Variants in TAFA5 observed in about 807,000 individuals in gnomAD.
TAFA5 encodes the protein chemokine-like protein TAFA-5.
TAFA5 carries 6 observed loss-of-function variants against 15.3 expected under a neutral mutation model. The observed-to-expected ratio is 0.39, with a 90% CI of 0.21 to 0.77. The LOEUF is 0.77. TAFA5 is among the 30% of genes least tolerant of loss of function. The pLI is 0.41. For synonymous variants in TAFA5, 103 were observed against 80.7 expected (o/e 1.28, Z -1.48); for missense variants, 161 against 193.1 (o/e 0.83, Z 0.98).
At chr22:48,574,519 G>T (rs935966356) in intron 1 of TAFA5, among the ~76,000 whole-genome samples, 1 of 151,982 alleles carries the variant, frequency 6.6e-6, no homozygotes, top group Non-Finnish European at 1.5e-5. Flanking sequence ...TGACCTCCAA[G>T]AGCCCTTCAG....
chr22:48,673,826 C>T (rs1927877950), intron 2 of TAFA5, among the ~76,000 whole-genome samples: 1 of 152,172 alleles, frequency 6.6e-6, no homozygotes, highest in Non-Finnish European at 1.5e-5. Flanking sequence ...GCTGACCTGT[C>T]CTGCCAACCC....
At chr22:48,588,852 C>A (rs980371363) in intron 1 of TAFA5, among the ~76,000 whole-genome samples, 1 of 152,016 alleles carries the variant, frequency 6.6e-6, no homozygotes. Flanking sequence ...GCCAACCTGG[C>A]CCCCCGTGAT....
chr22:48,656,053 A>T (rs1927232582), intron 2 of TAFA5, among the ~76,000 whole-genome samples: 1 of 151,162 alleles, frequency 6.6e-6, no homozygotes, highest in African/African-American at 2.4e-5. Flanking sequence ...CATGTTGGCC[A>T]GGCTGGTGTT....
chr22:48,624,129 T>C (rs1271714363), intron 1 of TAFA5, among the ~76,000 whole-genome samples: 1 of 152,234 alleles, frequency 6.6e-6, no homozygotes, highest in Non-Finnish European at 1.5e-5. Context: ...CTGACAGTTT[T>C]GAGGAGCGAA....
At chr22:48,510,845 G>A (rs756639288) in intron 1 of TAFA5, among the ~76,000 whole-genome samples, 1 of 152,262 alleles carries the variant, frequency 6.6e-6, no homozygotes, top group East Asian at 1.9e-4. Flanking sequence ...GCAGCCATGC[G>A]CATTGCAGGC....
At chr22:48,546,478 C>G (rs1338055379) in intron 1 of TAFA5, 5 of 469,332 alleles carry the variant, frequency 1.1e-5, no homozygotes, top group South Asian at 4.7e-5. Flanking sequence ...TCCCCTTTCT[C>G]AAACGGGGTG....
chr22:48,699,667 G>A (rs1036606677), intron 2 of TAFA5, among the ~76,000 whole-genome samples: 7 of 152,258 alleles, frequency 4.6e-5, no homozygotes, highest in African/African-American at 7.2e-5. Flanking sequence ...TTTTATGAGC[G>A]GGTTCCTGAT....
chr22:48,494,329 G>A (rs1040928605), intron 1 of TAFA5, among the ~76,000 whole-genome samples: 3 of 152,136 alleles, frequency 2.0e-5, no homozygotes, highest in Admixed American at 6.5e-5. Context: ...AAAATGTGGC[G>A]CTCTGGAGTT....
chr22:48,744,735 G>T lies in TAFA5; in HGVS notation c.391-5104G>T, dbSNP rs76067440. On this transcript the variant is annotated intron_variant, in intron 3 of 3. Transcript: ENST00000402357. ...CTCTGTGCTTCCGCAGCCCTGGGAG[G>T]CAGGGGGCGGGTTCCTTTTTTTCTT... Among the ~76,000 whole-genome samples, 788 of 152,296 alleles carry T rather than the reference G, an allele frequency of 5.2e-3. 9 individuals carry two copies. Among genetic ancestry groups the T allele is most frequent in the African/African-American group, 0.016 (678 of 41,574 alleles).
intron 1 of TAFA5, among the ~76,000 whole-genome samples, chr22:48,599,172 T>G (rs1237716252): frequency 6.6e-6 from 1 of 152,190 alleles, no homozygotes; most frequent in Non-Finnish European, 1.5e-5. Context: ...CCTTGGGTAT[T>G]GGTGATTAAC....
intron 1 of TAFA5, among the ~76,000 whole-genome samples, chr22:48,639,228 C>T (rs1243507769): frequency 1.3e-5 from 2 of 152,152 alleles, no homozygotes; most frequent in African/African-American, 2.4e-5. Flanking sequence ...GACCTGCCCC[C>T]GGGCCCCACC....
chr22:48,555,987 G>T (rs1601576654), intron 1 of TAFA5, among the ~76,000 whole-genome samples: 1 of 152,184 alleles, frequency 6.6e-6, no homozygotes, highest in African/African-American at 2.4e-5. Flanking sequence ...CTCCCTGGAG[G>T]TGTCCTGTCC....
intron 2 of TAFA5, among the ~76,000 whole-genome samples, chr22:48,699,213 G>A (rs952417549): frequency 6.6e-5 from 10 of 152,194 alleles, no homozygotes; most frequent in African/African-American, 1.9e-4. Flanking sequence ...GATTACAGGC[G>A]TGAGCCACCG....
At chr22:48,514,646 A>C (rs1051571718) in intron 1 of TAFA5, among the ~76,000 whole-genome samples, 1 of 152,108 alleles carries the variant, frequency 6.6e-6, no homozygotes, top group Admixed American at 6.5e-5. Flanking sequence ...TCCCCCACTC[A>C]TGCCAGCCAG....
chr22:48,652,710 G>A (rs538520149), intron 2 of TAFA5, among the ~76,000 whole-genome samples: 26 of 152,310 alleles, frequency 1.7e-4, no homozygotes, highest in African/African-American at 5.3e-4. Context: ...CTGGGCACCC[G>A]CTCCCCTAAC....
intron 1 of TAFA5, among the ~76,000 whole-genome samples, chr22:48,610,714 C>G (rs1245516553): frequency 6.6e-6 from 1 of 152,176 alleles, no homozygotes; most frequent in Admixed American, 6.5e-5. Flanking sequence ...TGGTCCCGTG[C>G]TGTGTGTGTT....
chr22:48,628,647 C>T (rs1050296919), intron 1 of TAFA5, among the ~76,000 whole-genome samples: 1 of 152,184 alleles, frequency 6.6e-6, no homozygotes, highest in East Asian at 1.9e-4. Flanking sequence ...TTGAGCTGGA[C>T]GAGCTTGGAG....
intron 1 of TAFA5, among the ~76,000 whole-genome samples, chr22:48,516,483 G>T (rs900804684): frequency 6.6e-6 from 1 of 152,214 alleles, no homozygotes; most frequent in Non-Finnish European, 1.5e-5. Context: ...GAACGAAATG[G>T]GGGCCCGCCC....
rs191189266 is a variant in TAFA5, at chr22:48,537,544, G to A, written c.112+47840G>A. 1.2e-3 allele frequency among the ~76,000 whole-genome samples: 178 copies of A among 152,368 alleles called. 1 individual carries two copies. Among genetic ancestry groups the A allele is most frequent in the Non-Finnish European group, 1.0e-3 (71 of 68,038 alleles). On this transcript the variant is annotated intron_variant, in intron 1 of 3. Coordinates refer to ENST00000402357, the MANE Select transcript of TAFA5 (RefSeq NM_001082967.3). Reference sequence around the variant, plus strand: ...TGGCCAGCCTGGCCTCTCAATCCCAGCCCACAGGTCCCACAGTTGGATAAG... The same window carrying A: ...TGGCCAGCCTGGCCTCTCAATCCCAACCCACAGGTCCCACAGTTGGATAAG...
Sources: allele counts gnomAD v4.1 joint callset (sites outside exome capture counted in the v4.1 genomes callset), GRCh38; gene constraint gnomAD v4.1.1; transcripts MANE v1.5; gene names NCBI Gene and HGNC (gene_info 2026-07-23, HGNC 2026-07-21).